Variants in EGLN3 observed in about 807,000 individuals in gnomAD.
The protein encoded by EGLN3 is prolyl hydroxylase EGLN3.
Under a neutral mutation model 26.0 loss-of-function variants are expected in EGLN3, and 15 were observed. That is an observed-to-expected ratio of 0.58 (90% CI 0.39 to 0.89). EGLN3 has a LOEUF of 0.89. Ranked by LOEUF, EGLN3 falls within the 40% of genes least tolerant of loss-of-function variation. The pLI is 0.00. For synonymous variants in EGLN3, 147 were observed against 127.2 expected, an observed-to-expected ratio of 1.16 and a Z score of -1.05; for missense variants, 238 against 311.6, an observed-to-expected ratio of 0.76 and a Z score of 1.78.
chr14:33,948,037 AT>A lies in EGLN3; in HGVS notation c.357+2358del, dbSNP rs140809932. ...CAGAGCAAGACTCCATCTCAAAAAA[AT>A]AATAATAATAAATAAATTTAAAACT... On this transcript the variant is annotated intron_variant, in intron 1 of 4. Coordinates refer to ENST00000250457, the MANE Select transcript of EGLN3 (RefSeq NM_022073.4). Among the ~76,000 whole-genome samples, 955 of 152,260 alleles carry A rather than the reference AT, an allele frequency of 6.3e-3. 11 individuals carry two copies. The highest frequency in any genetic ancestry group is 0.022 in the African/African-American group (926 of 41,540).
At chr14:33,926,819 A>G in intron 4 of EGLN3, 141 bp downstream of exon 4, 1 of 505,534 alleles carries the variant, frequency 2.0e-6, no homozygotes, top group Non-Finnish European at 3.2e-6. Flanking sequence ...CCAAGGTTTC[A>G]GGATAAAACC....
intron 1 of EGLN3, among the ~76,000 whole-genome samples, chr14:33,939,490 G>A (rs959749846): frequency 6.7e-6 from 1 of 148,492 alleles, no homozygotes; most frequent in Non-Finnish European, 1.5e-5. Flanking sequence ...GATTGCAGGC[G>A]TGAGCCACCG....
chr14:33,941,844 G>A (rs948904721), intron 1 of EGLN3, among the ~76,000 whole-genome samples: 8 of 152,162 alleles, frequency 5.3e-5, no homozygotes, highest in Admixed American at 3.9e-4. Context: ...CTAGAAGGCG[G>A]TAGAGATGGA....
chr14:33,950,829 G>C lies in EGLN3; in HGVS notation c.-77C>G. The C allele has an allele frequency of 7.4e-7, 1 of 1,349,000 alleles. No homozygotes were observed. The highest frequency in any genetic ancestry group is 2.3e-5 in the East Asian group (1 of 43,136). The allele number at this position is 1,349,000 out of a possible 1,614,324, so 83.6% of individuals were successfully genotyped here. ...ACGATCTACACGAGCGCGAAGCCGA[G>C]GCGCGGGGAGCGTGGCCCGGGGTTC... On this transcript the variant is annotated 5_prime_UTR_variant, in exon 1 of 5. Transcript: ENST00000250457.
intron 1 of EGLN3, among the ~76,000 whole-genome samples, chr14:33,941,793 G>C (rs1195719128): frequency 6.6e-6 from 1 of 152,190 alleles, no homozygotes; most frequent in East Asian, 1.9e-4. Context: ...AGCCACGACA[G>C]AGTTCTGGGG....
chr14:33,945,811 G>A (rs568712715), intron 1 of EGLN3, among the ~76,000 whole-genome samples: 1 of 152,346 alleles, frequency 6.6e-6, no homozygotes, highest in Admixed American at 6.5e-5. Flanking sequence ...TTGCAACCAT[G>A]ATAAGCTCCA....
At position 33,950,584 on chromosome 14, in the gene EGLN3, G is replaced by T. The variant is rs761981403; in HGVS notation, c.169C>A (p.Arg57=). 2.5e-6 allele frequency: 4 copies of T among 1,612,298 alleles called. No homozygotes were observed. Among genetic ancestry groups the T allele is most frequent in the Non-Finnish European group, 3.4e-6 (4 of 1,179,170 alleles). ...CGCGGCCCCGCCAGCTGGCCGTCCC[G>T]CAGGGCCCCGGTGCAGTGCAGCTGC... ...VKQLHCTGAL[R]DGQLAGPRAG... is the part of the protein sequence containing the mutation. The change falls in exon 1 of 5, where the codon CGG becomes AGG. Residue 57 remains arginine, a synonymous_variant. Transcript: ENST00000250457.
rs565017322 is a variant in EGLN3, at chr14:33,946,329, T to C, written c.357+4067A>G. Among the ~76,000 whole-genome samples the C allele has an allele frequency of 2.6e-5, 4 of 152,234 alleles. No homozygotes were observed. In the South Asian group the frequency reaches 6.2e-4, roughly 24 times the overall value. On this transcript the variant is annotated intron_variant, in intron 1 of 4. Transcript: ENST00000250457. The stretch of plus-strand genomic sequence containing the variant: ...AGGCGGAGGTTGTGGTGGGCCAAGA[T>C]TGCGCCATTGAACTCCAACCTGCGC...
chr14:33,950,276 C>T, intron 1 of EGLN3, 120 bp downstream of exon 1: 7 of 967,768 alleles, frequency 7.2e-6, no homozygotes, highest in Non-Finnish European at 1.2e-5. Context: ...ACAAACCAGG[C>T]TGACTTCTTG....
intron 4 of EGLN3, 25 bp downstream of exon 4, chr14:33,926,935 T>C (rs767792478): frequency 1.5e-5 from 23 of 1,559,336 alleles, no homozygotes; most frequent in Non-Finnish European, 1.8e-5. Context: ...TGATCAAAAG[T>C]CACAGAAAAT....
rs149218618 is a variant in EGLN3 at position 33,936,236 on chromosome 14, T to TATAAATAAATAA, written c.358-5033_358-5022dup. Among the ~76,000 whole-genome samples, 928 of 150,114 alleles carry TATAAATAAATAA rather than the reference T, an allele frequency of 6.2e-3. 12 individuals are homozygous for TATAAATAAATAA. The highest frequency in any genetic ancestry group is 0.021 in the African/African-American group (871 of 40,884). On this transcript the variant is annotated intron_variant, in intron 1 of 4. Coordinates refer to ENST00000250457, the MANE Select transcript of EGLN3 (RefSeq NM_022073.4). ...CAGAGCGAGATGCTGTCTCAAAAAA[T>TATAAATAAATAA]ATAAATAAATAAATAAGAGTTGGGA...
intron 1 of EGLN3, among the ~76,000 whole-genome samples, chr14:33,933,506 C>T (rs2138815230): frequency 6.6e-6 from 1 of 152,224 alleles, no homozygotes; most frequent in Middle Eastern, 3.4e-3. Context: ...AGTGAACATT[C>T]ACCCTCTCTC....
chr14:33,929,763 G>T (rs944599596), intron 2 of EGLN3, among the ~76,000 whole-genome samples: 1 of 152,098 alleles, frequency 6.6e-6, no homozygotes, highest in African/African-American at 2.4e-5. Context: ...ACGTAAAATA[G>T]AGTACTATTA....
intron 1 of EGLN3, among the ~76,000 whole-genome samples, chr14:33,938,048 G>C (rs1037732306): frequency 6.6e-6 from 1 of 152,136 alleles, no homozygotes; most frequent in African/African-American, 2.4e-5. Context: ...GTTCTCCTGG[G>C]TCAGTGATGA....
rs374108341 is a variant in EGLN3, at chr14:33,939,457, G to A, written c.358-8242C>T. ...TATCTCCTGACCTCGTGATCCACCC[G>A]CCTCGGCCGCCCAAAGTGCTGGGAT... On this transcript the variant is annotated intron_variant, in intron 1 of 4. Transcript: ENST00000250457. Among the ~76,000 whole-genome samples, 25 of 152,170 alleles carry A rather than the reference G, an allele frequency of 1.6e-4. No individual in the cohort carries two copies. The East Asian group carries it at 2.3e-3, about 14-fold the overall frequency.
At chr14:33,935,409 C>G (rs1769613) in intron 1 of EGLN3, among the ~76,000 whole-genome samples, 1 of 152,078 alleles carries the variant, frequency 6.6e-6, no homozygotes, top group African/African-American at 2.4e-5. Context: ...GAAGCCAATC[C>G]GGTATACATG....
At chr14:33,938,530 C>T (rs1460787342) in intron 1 of EGLN3, among the ~76,000 whole-genome samples, 2 of 152,210 alleles carry the variant, frequency 1.3e-5, no homozygotes, top group Admixed American at 1.3e-4. Flanking sequence ...CACACCCGAG[C>T]ACACCGCCAG....
At chr14:33,936,917 A>G (rs2064447329) in intron 1 of EGLN3, among the ~76,000 whole-genome samples, 1 of 152,228 alleles carries the variant, frequency 6.6e-6, no homozygotes, top group Admixed American at 6.5e-5. Context: ...AACTCAAAAA[A>G]TCATTTGCAA....
At position 33,924,941 on chromosome 14, in the gene EGLN3, T is replaced by TAAAAAAAAAAA. The variant is rs35754061; in HGVS notation, c.*939_*949dup. 5.8e-5 allele frequency: 6 copies of TAAAAAAAAAAA among 103,342 alleles called. No homozygotes were observed. Among genetic ancestry groups the TAAAAAAAAAAA allele is most frequent in the African/African-American group, 7.5e-5 (2 of 26,608 alleles). The allele number at this position is 103,342 out of a possible 1,614,324, so 6.4% of individuals were successfully genotyped here. A position where few individuals can be genotyped will look rare whatever the true frequency, so the allele number is the denominator to read the frequency against. On this transcript the variant is annotated 3_prime_UTR_variant, in exon 5 of 5. Transcript: ENST00000250457. ...GGGTGAGCTCATTAAAAAGGAAAAC[T>TAAAAAAAAAAA]AAAAAAAAAAAAAAAAAAAAAACAG...
Sources: allele counts gnomAD v4.1 joint callset (sites outside exome capture counted in the v4.1 genomes callset), GRCh38; gene constraint gnomAD v4.1.1; transcripts MANE v1.5; gene names NCBI Gene and HGNC (gene_info 2026-07-23, HGNC 2026-07-21).